The following CDH12 variants were observed in gnomAD, a reference collection of about 807,000 sequenced individuals.
CDH12 encodes cadherin-12.
A neutral mutation model predicts 74.1 loss-of-function variants in CDH12; 41 were observed. The observed-to-expected ratio is 0.55, with a 90% CI of 0.43 to 0.72. The LOEUF (loss-of-function observed/expected upper bound fraction) is 0.72. CDH12 is among the 30% of genes least tolerant of loss of function. The pLI, the probability that CDH12 is intolerant of heterozygous loss-of-function variation, is 0.00. For synonymous variants in CDH12, 399 were observed against 355.0 expected (o/e 1.12, Z -1.39); for missense variants, 945 against 977.2 (o/e 0.97, Z 0.44).
rs112542600 is a variant in CDH12 at position 22,321,824 on chromosome 5, C to T, written c.-333+83433G>A. On this transcript the variant is annotated intron_variant, in intron 3 of 14. Transcript: ENST00000382254. ...CCAACTCCAGAATAGCAAGCAGCAA[C>T]GTATTATTAAAGAAATTATTGGTTA... Among the ~76,000 whole-genome samples the T allele has an allele frequency of 9.2e-5, 14 of 151,780 alleles. 1 individual carries two copies. The highest frequency in any genetic ancestry group is 2.7e-4 in the African/African-American group (11 of 41,368).
chr5:21,912,655 A>C (rs1244480840), intron 6 of CDH12, among the ~76,000 whole-genome samples: 1 of 152,186 alleles, frequency 6.6e-6, no homozygotes, highest in Non-Finnish European at 1.5e-5. Flanking sequence ...TTGACTAGAC[A>C]GTAGAATCAT....
intron 4 of CDH12, among the ~76,000 whole-genome samples, chr5:22,120,447 T>C (rs1396724694): frequency 6.6e-6 from 1 of 152,170 alleles, no homozygotes; most frequent in East Asian, 1.9e-4. Flanking sequence ...AGCAATTGGT[T>C]ATTCAAGCTC....
rs574702393 is a variant in CDH12, at chr5:22,102,617, G to A, written c.-186-23755C>T. ...CCGGGAGGCGTAGGTTGCAGTCATC[G>A]CGTCACTGCATTCCAGCCTGGGGGA... On this transcript the variant is annotated intron_variant, in intron 4 of 14. Coordinates refer to ENST00000382254, the MANE Select transcript of CDH12 (RefSeq NM_004061.5). Among the ~76,000 whole-genome samples the A allele has an allele frequency of 2.0e-4, 31 of 152,114 alleles. No individual in the cohort carries two copies. In the South Asian group the frequency reaches 2.3e-3, roughly 11 times the overall value.
intron 6 of CDH12, among the ~76,000 whole-genome samples, chr5:21,926,403 A>G (rs537252367): frequency 4.8e-4 from 73 of 152,282 alleles, no homozygotes; most frequent in African/African-American, 1.6e-3. Context: ...CTTGGCTAGA[A>G]CCAGTGAATA....
intron 3 of CDH12, among the ~76,000 whole-genome samples, chr5:22,222,747 T>C (rs1010650662): frequency 6.6e-6 from 1 of 151,892 alleles, no homozygotes. Flanking sequence ...GGATGATGGA[T>C]TGTGGTAAAA....
intron 3 of CDH12, among the ~76,000 whole-genome samples, chr5:22,369,728 T>C (rs975746846): frequency 2.0e-5 from 3 of 152,210 alleles, no homozygotes; most frequent in African/African-American, 7.2e-5. Flanking sequence ...AGCAATTTGC[T>C]AAATTTGAAG....
chr5:22,713,328 A>T (rs1743390883), intron 1 of CDH12, among the ~76,000 whole-genome samples: 1 of 151,506 alleles, frequency 6.6e-6, no homozygotes, highest in Admixed American at 6.6e-5. Context: ...TTTTTAGTAG[A>T]GACGGGGTTT....
chr5:22,822,863 C>T (rs1375233921), intron 1 of CDH12, among the ~76,000 whole-genome samples: 1 of 152,096 alleles, frequency 6.6e-6, no homozygotes, highest in East Asian at 1.9e-4. Flanking sequence ...TACCATTTGA[C>T]CCAGCCATCC....
At chr5:21,855,427 A>G (rs1449409862) in intron 6 of CDH12, among the ~76,000 whole-genome samples, 1 of 151,352 alleles carries the variant, frequency 6.6e-6, no homozygotes, top group African/African-American at 2.4e-5. Context: ...GCATGGGTAT[A>G]TTTTTTCTGT....
At chr5:22,224,032 G>A (rs1752105326) in intron 3 of CDH12, among the ~76,000 whole-genome samples, 1 of 152,144 alleles carries the variant, frequency 6.6e-6, no homozygotes, top group South Asian at 2.1e-4. Flanking sequence ...CTACTCAGCA[G>A]AGCCTCAATT....
intron 1 of CDH12, among the ~76,000 whole-genome samples, chr5:22,671,385 C>T (rs1362647156): frequency 3.9e-5 from 6 of 152,132 alleles, no homozygotes; most frequent in African/African-American, 1.4e-4. Context: ...ACCAAATATA[C>T]AGACAGTAGA....
At position 22,735,250 on chromosome 5, in the gene CDH12, T is replaced by C. The variant is rs373684014; in HGVS notation, c.-523+117808A>G. On this transcript the variant is annotated intron_variant, in intron 1 of 14. Transcript: ENST00000382254. Reference sequence around the variant, plus strand: ...GGCTATAGGAGCAGTATTGTTACTTTATTGCCTCATTCTTCTTTCCTGATT... The same window carrying C: ...GGCTATAGGAGCAGTATTGTTACTTCATTGCCTCATTCTTCTTTCCTGATT... 1.3e-4 allele frequency among the ~76,000 whole-genome samples: 20 copies of C among 152,022 alleles called. No individual in the cohort carries two copies. The East Asian group carries it at 2.7e-3, about 21-fold the overall frequency.
chr5:22,359,126 C>T (rs1403547989), intron 3 of CDH12, among the ~76,000 whole-genome samples: 1 of 152,072 alleles, frequency 6.6e-6, no homozygotes, highest in Non-Finnish European at 1.5e-5. Flanking sequence ...TTAAAAGACA[C>T]AGACTGGCAA....
At chr5:22,607,871 CA>C (rs1253593339) in intron 1 of CDH12, among the ~76,000 whole-genome samples, 14 of 152,178 alleles carry the variant, frequency 9.2e-5, no homozygotes, top group African/African-American at 3.1e-4. Flanking sequence ...CCTAAGGGTG[CA>C]TAGAAGTCAA....
intron 1 of CDH12, among the ~76,000 whole-genome samples, chr5:22,579,657 T>C (rs892054554): frequency 2.6e-5 from 4 of 152,196 alleles, no homozygotes; most frequent in African/African-American, 7.2e-5. Context: ...AAATCAACCT[T>C]ATTTTAAACT....
At chr5:22,556,044 A>G (rs1738789077) in intron 1 of CDH12, among the ~76,000 whole-genome samples, 1 of 149,454 alleles carries the variant, frequency 6.7e-6, no homozygotes, top group Admixed American at 7.1e-5. Flanking sequence ...TTCCTTTATT[A>G]TCTCTGAGAA....
chr5:21,866,393 A>C (rs1215878345), intron 6 of CDH12, among the ~76,000 whole-genome samples: 1 of 152,180 alleles, frequency 6.6e-6, no homozygotes, highest in Non-Finnish European at 1.5e-5. Context: ...AATGGCTTTG[A>C]CCAAAACACT....
At chr5:22,708,495 G>T (rs930943473) in intron 1 of CDH12, among the ~76,000 whole-genome samples, 1 of 152,254 alleles carries the variant, frequency 6.6e-6, no homozygotes, top group East Asian at 1.9e-4. Flanking sequence ...ATGTGTAAAA[G>T]GGGTGGATGG....
In CDH12 at chr5:22,764,013, T is replaced by C. The variant is rs564382690; in HGVS notation, c.-523+89045A>G. ...GTGGAATACATTTTTATACTTTATA[T>C]GTAAGAGTTTTACAAAGTTATGATA... is the stretch of plus-strand genomic sequence containing the variant. On this transcript the variant is annotated intron_variant, in intron 1 of 14. Coordinates refer to ENST00000382254, the MANE Select transcript of CDH12 (RefSeq NM_004061.5). Among the ~76,000 whole-genome samples, 66 of 152,076 alleles carry C rather than the reference T, an allele frequency of 4.3e-4. 2 individuals are homozygous for C. Among genetic ancestry groups the C allele is most frequent in the Non-Finnish European group, 1.2e-4 (8 of 67,828 alleles).
Sources: allele counts gnomAD v4.1 joint callset (sites outside exome capture counted in the v4.1 genomes callset), GRCh38; gene constraint gnomAD v4.1.1; transcripts MANE v1.5; gene names NCBI Gene and HGNC (gene_info 2026-07-23, HGNC 2026-07-21).